Variants in GATAD2A observed in about 807,000 individuals in gnomAD.
The protein encoded by GATAD2A is GATA zinc finger domain containing 2A.
Under a neutral mutation model 68.5 loss-of-function variants are expected in GATAD2A, and 12 were observed. The observed-to-expected ratio is 0.18, with a 90% CI of 0.11 to 0.28. The LOEUF is 0.28. GATAD2A is among the 10% of genes least tolerant of loss of function. The pLI is 1.00. For synonymous variants in GATAD2A, 410 were observed against 375.3 expected (o/e 1.09, Z -1.07); for missense variants, 755 against 868.5 (o/e 0.87, Z 1.64).
intron 1 of GATAD2A, chr19:19,456,994 A>G (rs540196437): frequency 1.9e-4 from 103 of 540,422 alleles, no homozygotes; most frequent in Non-Finnish European, 2.4e-4. Flanking sequence ...CCATGCTTCT[A>G]TTAATTACAA....
At chr19:19,477,392 A>T (rs544976134) in intron 2 of GATAD2A, among the ~76,000 whole-genome samples, 1 of 152,282 alleles carries the variant, frequency 6.6e-6, no homozygotes, top group Non-Finnish European at 1.5e-5. Context: ...ACTTGATGCC[A>T]TGCAGAATTC....
chr19:19,440,950 TTCCTTTTC>T (rs2054970049), intron 1 of GATAD2A, among the ~76,000 whole-genome samples: 1 of 123,772 alleles, frequency 8.1e-6, no homozygotes, highest in African/African-American at 4.3e-5. Flanking sequence ...TTCCCTTTCC[TTCCTTTTC>T]TTCCTTCCCT....
chr19:19,505,219 G>T, intron 11 of GATAD2A, 125 bp from the exon 12 acceptor site: 1 of 830,572 alleles, frequency 1.2e-6, no homozygotes, highest in South Asian at 1.6e-5. Flanking sequence ...AGTGTGGGTG[G>T]GTTTGCAAGG....
intron 1 of GATAD2A, among the ~76,000 whole-genome samples, chr19:19,391,523 G>C (rs1011326879): frequency 6.6e-6 from 1 of 152,050 alleles, no homozygotes; most frequent in Non-Finnish European, 1.5e-5. Context: ...ACTTTAAAGG[G>C]ATCACTCTCC....
At chr19:19,451,408 G>A (rs914298168) in intron 1 of GATAD2A, among the ~76,000 whole-genome samples, 1 of 152,190 alleles carries the variant, frequency 6.6e-6, no homozygotes, top group Non-Finnish European at 1.5e-5. Flanking sequence ...GCACTGATCA[G>A]GCTCCTCGTG....
chr19:19,485,760 C>T (rs895365448), intron 2 of GATAD2A, among the ~76,000 whole-genome samples: 4 of 152,284 alleles, frequency 2.6e-5, no homozygotes, highest in South Asian at 2.1e-4. Flanking sequence ...AGAGATGGGC[C>T]GGGGGCCTTG....
At chr19:19,389,924 G>A (rs1312823198) in intron 1 of GATAD2A, among the ~76,000 whole-genome samples, 1 of 152,048 alleles carries the variant, frequency 6.6e-6, no homozygotes, top group Non-Finnish European at 1.5e-5. Context: ...CACCACGCCC[G>A]GCTATATTTT....
At chr19:19,426,634 C>T (rs2053125957) in intron 1 of GATAD2A, among the ~76,000 whole-genome samples, 2 of 152,152 alleles carry the variant, frequency 1.3e-5, no homozygotes, top group African/African-American at 4.8e-5. Context: ...CCTCAGCCTC[C>T]CGAGTAGCTG....
Position 19,492,941 on chromosome 19 carries a change from CTTT to C in GATAD2A, c.534+245_534+247del, listed in dbSNP as rs11304753. ...TCTGGTTCTGAGGGTCTAAAGCTCA[CTTT>C]TTTTTTTTTTTTTTTGAGATGGAAT... On this transcript the variant is annotated intron_variant, in intron 4 of 11. Transcript: ENST00000683918. 5.9e-4 allele frequency among the ~76,000 whole-genome samples: 79 copies of C among 133,996 alleles called. 1 individual carries two copies. The highest frequency in any genetic ancestry group is 3.9e-3 in the Middle Eastern group (1 of 254). The allele number at this position is 133,996 out of a possible 152,430, so 87.9% of individuals were successfully genotyped here. A position where few individuals can be genotyped will look rare whatever the true frequency, so the allele number is the denominator to read the frequency against.
intron 1 of GATAD2A, among the ~76,000 whole-genome samples, chr19:19,431,650 C>T (rs1447259146): frequency 6.7e-6 from 1 of 148,344 alleles, no homozygotes; most frequent in East Asian, 2.0e-4. Flanking sequence ...GCCGAGATCG[C>T]ACCACTGCAC....
At chr19:19,407,157 C>T (rs1032496843) in intron 1 of GATAD2A, among the ~76,000 whole-genome samples, 1 of 152,260 alleles carries the variant, frequency 6.6e-6, no homozygotes, top group Admixed American at 6.5e-5. Flanking sequence ...TGAGAGCCCT[C>T]TGTGCGGGTG....
chr19:19,450,906 G>A (rs1485342505), intron 1 of GATAD2A, among the ~76,000 whole-genome samples: 1 of 151,276 alleles, frequency 6.6e-6, no homozygotes, highest in Admixed American at 6.6e-5. Flanking sequence ...GAGTAGCTGG[G>A]ATTACAGGCG....
Position 19,492,697 on chromosome 19 carries a change from A to G in GATAD2A, c.519A>G (p.Glu173=), listed in dbSNP as rs2059879792. 4 of 1,614,152 alleles carry G rather than the reference A, an allele frequency of 2.5e-6. No homozygotes were observed. The highest frequency in any genetic ancestry group is 3.3e-4 in the Middle Eastern group (2 of 6,062). ...KKLRQSQIQK[E]ATAQKPTGSV... ...TGCGGCAGAGTCAAATACAAAAGGA[A>G]GCCACCGCCCAGAAGGTGCGTGCCT... is the stretch of plus-strand genomic sequence containing the variant. The change falls in exon 4 of 12, where the codon GAA becomes GAG. Residue 173 remains glutamate (E), a synonymous_variant. Coordinates refer to ENST00000683918, the MANE Select transcript of GATAD2A (RefSeq NM_001384528.1).
chr19:19,448,109 A>G (rs771732673), intron 1 of GATAD2A, among the ~76,000 whole-genome samples: 8 of 152,248 alleles, frequency 5.3e-5, no homozygotes, highest in African/African-American at 7.2e-5. Flanking sequence ...CTCACGGTCC[A>G]GGAGGCATCT....
At chr19:19,429,256 G>A (rs533746867) in intron 1 of GATAD2A, 59 of 984,524 alleles carry the variant, frequency 6.0e-5, no homozygotes, top group Non-Finnish European at 6.6e-5. Flanking sequence ...GAGGGGCTGG[G>A]GGGGAGAGCT....
intron 1 of GATAD2A, among the ~76,000 whole-genome samples, chr19:19,451,080 C>CT: frequency 6.6e-6 from 1 of 151,280 alleles, no homozygotes; most frequent in East Asian, 2.0e-4. Flanking sequence ...GAGATTCAAA[C>CT]TTTTAAAAAG....
intron 1 of GATAD2A, among the ~76,000 whole-genome samples, chr19:19,460,612 G>A (rs2057344990): frequency 1.3e-5 from 2 of 152,078 alleles, no homozygotes; most frequent in South Asian, 2.1e-4. Flanking sequence ...CAGCACATCC[G>A]AACTGTAGCC....
intron 1 of GATAD2A, among the ~76,000 whole-genome samples, chr19:19,395,696 A>T (rs1289289048): frequency 1.3e-5 from 2 of 152,178 alleles, no homozygotes; most frequent in African/African-American, 4.8e-5. Flanking sequence ...TATGGAACTT[A>T]AAGAATCCGA....
chr19:19,450,336 C>T (rs977390878), intron 1 of GATAD2A, among the ~76,000 whole-genome samples: 1 of 152,200 alleles, frequency 6.6e-6, no homozygotes, highest in African/African-American at 2.4e-5. Flanking sequence ...ATGCCCCTCT[C>T]CCTCTGTCAG....
Sources: gnomAD v4.1 joint callset for allele counts (sites outside exome capture counted in the v4.1 genomes callset) on GRCh38, gnomAD v4.1.1 for gene constraint, MANE v1.5 for transcripts, NCBI Gene and HGNC (gene_info 2026-07-23, HGNC 2026-07-21) for gene names.